The following MEI4 variants were observed in gnomAD, a reference collection of about 807,000 sequenced individuals.
The protein encoded by MEI4 is meiosis-specific protein MEI4.
A neutral mutation model predicts 31.4 loss-of-function variants in MEI4; 27 were observed. The observed-to-expected ratio is 0.86, with a 90% confidence interval of 0.63 to 1.19. The LOEUF is 1.19. Ranked by LOEUF, MEI4 falls within the 50% of genes most tolerant of loss-of-function variation. MEI4 has a pLI of 0.00. For missense variants in MEI4, 329 were observed against 398.9 expected, an observed-to-expected ratio of 0.82 and a Z score of 1.49; for synonymous variants, 122 against 145.4, an observed-to-expected ratio of 0.84 and a Z score of 1.16.
chr6:77,918,635 C>G (rs1233554378), intron 4 of MEI4, among the ~76,000 whole-genome samples: 4 of 151,768 alleles, frequency 2.6e-5, no homozygotes. Context: ...TGAGACTTTG[C>G]TGAAGTTGCT....
rs552898095 is a variant in MEI4, at chr6:77,734,934, C to T, written c.233-26196C>T. On this transcript the variant is annotated intron_variant, in intron 2 of 4. Transcript: ENST00000684080. ...GATATGAAATTCTGGGTTGAAAATT[C>T]TTTTCTTTAAGAATGTTGAATATTG... 1.7e-3 allele frequency among the ~76,000 whole-genome samples: 251 copies of T among 151,922 alleles called. 5 individuals are homozygous for T. Among genetic ancestry groups the T allele is most frequent in the African/African-American group, 5.7e-3 (235 of 41,354 alleles).
chr6:77,717,777 T>TG (rs1185642746), intron 2 of MEI4, among the ~76,000 whole-genome samples: 1 of 127,976 alleles, frequency 7.8e-6, no homozygotes, highest in Admixed American at 8.0e-5. Flanking sequence ...AGCACGGGGT[T>TG]GGGGGTAAGG....
intron 1 of MEI4, among the ~76,000 whole-genome samples, chr6:77,685,362 C>T: frequency 6.8e-6 from 1 of 147,910 alleles, no homozygotes. Flanking sequence ...TGGTGTGATA[C>T]CATTTGTCTA....
At chr6:77,716,923 T>C in intron 2 of MEI4, 2 of 932,840 alleles carry the variant, frequency 2.1e-6, no homozygotes, top group Non-Finnish European at 2.6e-6. Context: ...TACTCACAGC[T>C]TTGTTGAAAG....
chr6:77,913,550 C>T (rs191521126), intron 4 of MEI4, among the ~76,000 whole-genome samples: 2 of 152,090 alleles, frequency 1.3e-5, no homozygotes, highest in East Asian at 1.9e-4. Flanking sequence ...TTTATCTCCT[C>T]GAGATTATCC....
chr6:77,716,766 A>T, intron 2 of MEI4: 1 of 432,102 alleles, frequency 2.3e-6, no homozygotes, highest in Non-Finnish European at 3.1e-6. Flanking sequence ...ATTTTACTTT[A>T]TTTTTCTGGA....
intron 2 of MEI4, among the ~76,000 whole-genome samples, chr6:77,760,076 G>A (rs1349094969): frequency 6.6e-6 from 1 of 152,098 alleles, no homozygotes; most frequent in Non-Finnish European, 1.5e-5. Context: ...CTGTCAAAGA[G>A]TGACCGAGAG....
At chr6:77,842,888 C>T (rs991632460) in intron 4 of MEI4, among the ~76,000 whole-genome samples, 16 of 151,920 alleles carry the variant, frequency 1.1e-4, no homozygotes, top group African/African-American at 3.4e-4. Flanking sequence ...AAATAGGTAA[C>T]CTTGATAGTC....
At chr6:77,844,613 G>A (rs1770435857) in intron 4 of MEI4, among the ~76,000 whole-genome samples, 1 of 152,096 alleles carries the variant, frequency 6.6e-6, no homozygotes, top group Non-Finnish European at 1.5e-5. Context: ...TGAATATTCA[G>A]AAATTGGTAA....
At chr6:77,787,317 G>A (rs564216221) in intron 3 of MEI4, among the ~76,000 whole-genome samples, 1 of 152,302 alleles carries the variant, frequency 6.6e-6, no homozygotes, top group East Asian at 1.9e-4. Flanking sequence ...TGCAGACCAA[G>A]AAGCTGACCT....
intron 4 of MEI4, among the ~76,000 whole-genome samples, chr6:77,850,202 C>T (rs1240918429): frequency 6.6e-6 from 1 of 152,194 alleles, no homozygotes; most frequent in East Asian, 1.9e-4. Context: ...TGAAAATGGC[C>T]ATACTGCCCA....
At chr6:77,874,801 A>G (rs1771290260) in intron 4 of MEI4, among the ~76,000 whole-genome samples, 1 of 152,118 alleles carries the variant, frequency 6.6e-6, no homozygotes, top group Admixed American at 6.6e-5. Context: ...ATTTGTTGAG[A>G]GTTTTTAGCA....
At chr6:77,893,964 TAAAAC>T (rs1183910489) in intron 4 of MEI4, among the ~76,000 whole-genome samples, 1 of 152,104 alleles carries the variant, frequency 6.6e-6, no homozygotes, top group Non-Finnish European at 1.5e-5. Context: ...CCCCTGAATC[TAAAAC>T]AAAAGTTGAA....
At chr6:77,848,764 A>C (rs1770544125) in intron 4 of MEI4, among the ~76,000 whole-genome samples, 1 of 152,214 alleles carries the variant, frequency 6.6e-6, no homozygotes, top group Non-Finnish European at 1.5e-5. Context: ...TTATGATTGC[A>C]GTACTAACTA....
chr6:77,878,206 T>C (rs1465992272), intron 4 of MEI4, among the ~76,000 whole-genome samples: 1 of 145,434 alleles, frequency 6.9e-6, no homozygotes, highest in African/African-American at 2.5e-5. Context: ...ATAAAATAAG[T>C]AATAAGTAAA....
At chr6:77,662,662 TA>T (rs910919268) in intron 1 of MEI4, among the ~76,000 whole-genome samples, 5 of 152,182 alleles carry the variant, frequency 3.3e-5, no homozygotes, top group Non-Finnish European at 7.3e-5. Context: ...AGGACTAGGC[TA>T]AAACAGTAAG....
chr6:77,867,400 G>A (rs998121536), intron 4 of MEI4, among the ~76,000 whole-genome samples: 1 of 152,078 alleles, frequency 6.6e-6, no homozygotes, highest in South Asian at 2.1e-4. Context: ...TCAACAAGTC[G>A]GCGAAGGATA....
chr6:77,712,982 AAAG>A (rs1302705170), intron 2 of MEI4, among the ~76,000 whole-genome samples: 15 of 152,194 alleles, frequency 9.9e-5, no homozygotes, highest in African/African-American at 2.6e-4. Flanking sequence ...AAAAAAAAAA[AAAG>A]AAGAAGCATT....
At chr6:77,858,369 A>T (rs1452112629) in intron 4 of MEI4, among the ~76,000 whole-genome samples, 1 of 152,166 alleles carries the variant, frequency 6.6e-6, no homozygotes, top group Non-Finnish European at 1.5e-5. Context: ...TTTTAAATAA[A>T]TAATAATATT....
Sources: allele counts gnomAD v4.1 joint callset (sites outside exome capture counted in the v4.1 genomes callset), GRCh38; gene constraint gnomAD v4.1.1; transcripts MANE v1.5; gene names NCBI Gene and HGNC (gene_info 2026-07-23, HGNC 2026-07-21).